AREL1: variants seen among roughly 807,000 people sequenced by gnomAD.
AREL1 encodes apoptosis-resistant E3 ubiquitin protein ligase 1.
Under a neutral mutation model 99.0 loss-of-function variants are expected in AREL1, and 62 were observed. The ratio of observed to expected loss-of-function variants is 0.63; its 90% CI spans 0.51 to 0.77. The LOEUF is 0.77. Ranked by LOEUF, AREL1 falls within the 30% of genes least tolerant of loss-of-function variation. AREL1 has a pLI of 0.00. For synonymous variants in AREL1, 380 were observed against 376.5 expected, an observed-to-expected ratio of 1.01 and a Z score of -0.11; for missense variants, 879 against 1,027.6, an observed-to-expected ratio of 0.86 and a Z score of 1.98.
At chr14:74,705,485 CT>C (rs1440779267) in intron 1 of AREL1, among the ~76,000 whole-genome samples, 1 of 152,120 alleles carries the variant, frequency 6.6e-6, no homozygotes, top group Non-Finnish European at 1.5e-5. Flanking sequence ...CTCTGCACCC[CT>C]GATACTGGTT....
chr14:74,681,597 A>G (rs1747028129), intron 5 of AREL1, among the ~76,000 whole-genome samples: 1 of 151,868 alleles, frequency 6.6e-6, no homozygotes, highest in Non-Finnish European at 1.5e-5. Context: ...ACATGGTGAA[A>G]TCTTGTCTCT....
At chr14:74,697,870 G>A (rs1448749055) in intron 1 of AREL1, among the ~76,000 whole-genome samples, 1 of 152,110 alleles carries the variant, frequency 6.6e-6, no homozygotes, top group Non-Finnish European at 1.5e-5. Flanking sequence ...GTATTAGACT[G>A]TACCTCATTC....
chr14:74,667,119 T>C (rs999863428), intron 17 of AREL1, among the ~76,000 whole-genome samples, 200 bp downstream of exon 17: 3 of 152,220 alleles, frequency 2.0e-5, no homozygotes, highest in African/African-American at 7.2e-5. Flanking sequence ...CTAATATCTC[T>C]GCACTCTTTG....
chr14:74,683,071 T>C lies in AREL1; in HGVS notation c.481+225A>G, dbSNP rs192631249. Among the ~76,000 whole-genome samples the C allele has an allele frequency of 9.2e-5, 14 of 152,308 alleles. No homozygotes were observed. The East Asian group carries it at 2.7e-3, about 29-fold the overall frequency. The stretch of plus-strand genomic sequence containing the variant: ...CTGGGGGATTTGGGGGAAAAGTGAC[T>C]ACTAACATGTATGGGGTTTCTTTTT... On this transcript the variant is annotated intron_variant, in intron 5 of 19. Transcript: ENST00000356357.
intron 12 of AREL1, 21 bp from the exon 13 acceptor site, chr14:74,670,892 A>G (rs2089322241): frequency 6.2e-7 from 1 of 1,603,786 alleles, no homozygotes; most frequent in Admixed American, 1.7e-5. Flanking sequence ...TAATGAAAAT[A>G]AAAAATGACT....
chr14:74,702,567 T>C (rs1361418126), intron 1 of AREL1, among the ~76,000 whole-genome samples: 1 of 152,186 alleles, frequency 6.6e-6, no homozygotes, highest in Non-Finnish European at 1.5e-5. Context: ...AGGTCTGTGA[T>C]GGGAGTGGCT....
At chr14:74,678,678 G>T (rs1030895267) in intron 5 of AREL1, among the ~76,000 whole-genome samples, 2 of 116,220 alleles carry the variant, frequency 1.7e-5, no homozygotes, top group Non-Finnish European at 3.4e-5. Context: ...TGATGCTGGA[G>T]TAAAGACATG....
At chr14:74,676,462 G>A in intron 6 of AREL1, 121 bp downstream of exon 6, 2 of 1,408,944 alleles carry the variant, frequency 1.4e-6, no homozygotes, top group Non-Finnish European at 1.9e-6. Flanking sequence ...GTCAGATGAA[G>A]ATACAGACAG....
chr14:74,664,757 C>T (rs2089174313), intron 18 of AREL1, 79 bp downstream of exon 18: 6 of 1,268,248 alleles, frequency 4.7e-6, no homozygotes, highest in Non-Finnish European at 6.7e-6. Flanking sequence ...CTGCGCCCGG[C>T]CTCCTCTACT....
intron 13 of AREL1, 63 bp from the exon 14 acceptor site, chr14:74,670,189 CCCTT>C: frequency 6.9e-7 from 1 of 1,448,200 alleles, no homozygotes; most frequent in South Asian, 1.4e-5. Context: ...TCTGGAAGGA[CCCTT>C]CCTTCCCCAA....
intron 13 of AREL1, 72 bp from the exon 14 acceptor site, chr14:74,670,198 C>A: frequency 7.0e-7 from 1 of 1,435,454 alleles, no homozygotes; most frequent in Non-Finnish European, 9.4e-7. Context: ...ACCCTTCCTT[C>A]CCCAACCCCA....
chr14:74,663,539 G>T lies in AREL1; in HGVS notation c.*181C>A. 1 of 654,340 alleles carries T rather than the reference G, an allele frequency of 1.5e-6. No homozygotes were observed. 40.5% of individuals were successfully genotyped at this position (654,340 alleles called of 1,614,324 possible). On this transcript the variant is annotated 3_prime_UTR_variant, in exon 20 of 20. Coordinates refer to ENST00000356357, the MANE Select transcript of AREL1 (RefSeq NM_001039479.2). ...TGCCAAAGTGGCCTGTGGTAGATAT[G>T]GGCAGGGAGCAGGTGAGGTAAAGAC...
At chr14:74,684,350 T>C in intron 4 of AREL1, 104 bp downstream of exon 4, 1 of 1,043,226 alleles carries the variant, frequency 9.6e-7, no homozygotes, top group Non-Finnish European at 1.4e-6. Context: ...TGGAGGGAGT[T>C]GAAAAACAAG....
intron 2 of AREL1, among the ~76,000 whole-genome samples, chr14:74,690,557 G>A (rs983521381): frequency 6.6e-6 from 1 of 152,110 alleles, no homozygotes. Flanking sequence ...CCCATGCATG[G>A]TATTTTTCTA....
At chr14:74,688,320 C>T (rs376804131) in intron 2 of AREL1, among the ~76,000 whole-genome samples, 104 of 152,128 alleles carry the variant, frequency 6.8e-4, no homozygotes, top group African/African-American at 2.1e-3. Context: ...CCACCACGCC[C>T]GGCCCTGAGT....
chr14:74,663,229 C>T lies in AREL1; in HGVS notation c.*491G>A, dbSNP rs145636056. 1.9e-5 allele frequency: 4 copies of T among 207,578 alleles called. No individual in the cohort carries two copies. The highest frequency in any genetic ancestry group is 4.0e-5 in the Non-Finnish European group (4 of 100,424). 12.9% of individuals were successfully genotyped at this position (207,578 alleles called of 1,614,324 possible). On this transcript the variant is annotated 3_prime_UTR_variant, in exon 20 of 20. Transcript: ENST00000356357. ...TATGGGCCACCTCCTATCTGTCCCCCTCTCTCCTGGCTCCTGATGAGAAGA... is the reference window on the plus strand; with the variant it reads ...TATGGGCCACCTCCTATCTGTCCCCTTCTCTCCTGGCTCCTGATGAGAAGA...
intron 3 of AREL1, 109 bp from the exon 4 acceptor site, chr14:74,684,789 T>C: frequency 1.1e-6 from 1 of 943,678 alleles, no homozygotes; most frequent in Non-Finnish European, 1.6e-6. Context: ...AGGATGAGAC[T>C]GTAAGACTGC....
At chr14:74,694,381 T>C (rs2089940480) in intron 1 of AREL1, among the ~76,000 whole-genome samples, 1 of 152,038 alleles carries the variant, frequency 6.6e-6, no homozygotes, top group African/African-American at 2.4e-5. Context: ...CATAGGGAAA[T>C]GCTTACAAAT....
chr14:74,703,991 CACTTGGT>C (rs2090132195), intron 1 of AREL1, among the ~76,000 whole-genome samples: 1 of 152,198 alleles, frequency 6.6e-6, no homozygotes, highest in Non-Finnish European at 1.5e-5. Flanking sequence ...TATCCACCAA[CACTTGGT>C]ACTGTCTTAA....
Sources: gnomAD v4.1 joint callset for allele counts (sites outside exome capture counted in the v4.1 genomes callset) on GRCh38, gnomAD v4.1.1 for gene constraint, MANE v1.5 for transcripts, NCBI Gene and HGNC (gene_info 2026-07-23, HGNC 2026-07-21) for gene names.